The following BIRC3 variants were observed in gnomAD, a reference collection of about 807,000 sequenced individuals.
BIRC3 encodes baculoviral IAP repeat-containing protein 3.
In BIRC3, 26 loss-of-function variants were observed where a neutral mutation model predicts 59.0. That is an observed-to-expected ratio of 0.44 (90% CI 0.32 to 0.61). BIRC3 has a LOEUF of 0.61. Among genes scored for constraint, BIRC3 ranks in the 20% least tolerant of loss-of-function variants. BIRC3 has a pLI of 0.04. For synonymous variants in BIRC3, 243 were observed against 249.2 expected (o/e 0.98, Z 0.24); for missense variants, 641 against 711.5 (o/e 0.90, Z 1.13).
At position 102,323,198 on chromosome 11, in the gene BIRC3, A is replaced by G. The variant is rs766794100; in HGVS notation, c.-1312A>G. ...CAATGTTAGTTCTTTGAGGGGGACA[A>G]AAAATTTAAAATCTTTGAAAGGTCT... On this transcript the variant is annotated 5_prime_UTR_variant, in exon 2 of 9. Coordinates refer to ENST00000263464, the MANE Select transcript of BIRC3 (RefSeq NM_001165.5). The G allele has an allele frequency of 7.1e-4, 142 of 198,892 alleles. No homozygotes were observed. In the Middle Eastern group the frequency reaches 0.011, roughly 15 times the overall value. The allele number at this position is 198,892 out of a possible 1,614,324, so 12.3% of individuals were successfully genotyped here.
intron 5 of BIRC3, among the ~76,000 whole-genome samples, chr11:102,329,949 G>A (rs1033785544): frequency 7.0e-6 from 1 of 143,782 alleles, no homozygotes; most frequent in Non-Finnish European, 1.5e-5. Flanking sequence ...TTTAAAAAAA[G>A]GAAAAAAAGA....
rs1325586149 is a variant in BIRC3 at position 102,333,502 on chromosome 11, G to A, written c.1324+2261G>A. 4.6e-5 allele frequency among the ~76,000 whole-genome samples: 7 copies of A among 151,722 alleles called. No individual in the cohort carries two copies. The East Asian group carries it at 9.7e-4, about 21-fold the overall frequency. ...GACCACTTGAGCCCAGGGAGGTTGAGGCTGCAATGAGCTATGATCATATGC... is the reference window on the plus strand; with the variant it reads ...GACCACTTGAGCCCAGGGAGGTTGAAGCTGCAATGAGCTATGATCATATGC... On this transcript the variant is annotated intron_variant, in intron 6 of 8. Coordinates refer to ENST00000263464, the MANE Select transcript of BIRC3 (RefSeq NM_001165.5).
chr11:102,333,921 C>T (rs1371229991), intron 6 of BIRC3, among the ~76,000 whole-genome samples: 2 of 152,026 alleles, frequency 1.3e-5, no homozygotes, highest in Non-Finnish European at 2.9e-5. Context: ...GACAACGTGG[C>T]GAGACCCCAT....
chr11:102,318,185 G>T (rs1950993059), intron 1 of BIRC3, among the ~76,000 whole-genome samples: 1 of 152,192 alleles, frequency 6.6e-6, no homozygotes, highest in South Asian at 2.1e-4. Context: ...TGTCTCTGAA[G>T]ACTTTACATG....
intron 1 of BIRC3, among the ~76,000 whole-genome samples, chr11:102,317,948 C>A (rs563764177): frequency 6.6e-6 from 1 of 152,282 alleles, no homozygotes; most frequent in South Asian, 2.1e-4. Context: ...GGAAGTAAAA[C>A]GTTTAATGAG....
rs760419071 is a variant in BIRC3 at position 102,336,357 on chromosome 11, T to A, written c.1579+137T>A. On this transcript the variant is annotated intron_variant, in intron 7 of 8. Transcript: ENST00000263464. ...CTGTAATCCTAACACCTTGGGAGGC[T>A]GAGGCAGGTGGATTGCTTGAGCCCA... The A allele has an allele frequency of 3.0e-6, 3 of 1,011,586 alleles. No individual in the cohort carries two copies. In the African/African-American group the frequency reaches 4.9e-5, roughly 17 times the overall value. 62.7% of individuals were successfully genotyped at this position (1,011,586 alleles called of 1,614,324 possible). A position where few individuals can be genotyped will look rare whatever the true frequency, so the allele number is the denominator to read the frequency against.
At chr11:102,328,987 A>T in intron 5 of BIRC3, 42 bp downstream of exon 5, 1 of 1,126,496 alleles carries the variant, frequency 8.9e-7, no homozygotes. Context: ...AAATAGAGTC[A>T]TTTGGTACTG....
rs765259590 is a variant in BIRC3, at chr11:102,324,868, C to A, written c.359C>A (p.Ser120Tyr). Residue 120 changes from serine (S) to tyrosine (Y), a missense_variant, in exon 2 of 9, where the codon TCC (serine) becomes TAC (tyrosine). By Grantham distance (144) the Ser-to-Tyr change is moderately radical. Transcript: ENST00000263464. The part of the protein sequence containing the change: ...QPTFPSSVTN[S>Y]THSLLPGTEN... Reference sequence around the variant, plus strand: ...ACTTTTCCTTCTTCAGTAACAAATTCCACACACTCATTACTTCCGGGTACA... The same window carrying A: ...ACTTTTCCTTCTTCAGTAACAAATTACACACACTCATTACTTCCGGGTACA... 6.2e-7 allele frequency: 1 copy of A among 1,614,076 alleles called. No homozygotes were observed. The highest frequency in any genetic ancestry group is 1.3e-5 in the African/African-American group (1 of 74,926).
At chr11:102,331,262 A>C (rs757862516) in intron 6 of BIRC3, 21 bp downstream of exon 6, 1 of 1,584,572 alleles carries the variant, frequency 6.3e-7, no homozygotes, top group South Asian at 1.2e-5. Flanking sequence ...TTATTAATAC[A>C]GTCTATTTTC....
At chr11:102,329,191 G>T (rs1179751417) in intron 5 of BIRC3, among the ~76,000 whole-genome samples, 3 of 152,264 alleles carry the variant, frequency 2.0e-5, no homozygotes, top group South Asian at 2.1e-4. Context: ...AGTATCTAAA[G>T]GTGGGGCTCA....
In BIRC3 at chr11:102,335,994, A is replaced by T. The variant is rs1338809240; in HGVS notation, c.1353A>T (p.Arg451Ser). 6.2e-7 allele frequency: 1 copy of T among 1,611,204 alleles called. No individual in the cohort carries two copies. The stretch of plus-strand genomic sequence containing the variant: ...ATTTATTATTAATCCGGAAGAATAG[A>T]ATGGCACTTTTTCAACATTTGACTT... Reference protein sequence around the residue: ...SNDLLLIRKNRMALFQHLTCV... With the variant: ...SNDLLLIRKNSMALFQHLTCV... The change falls in exon 7 of 9, where the codon AGA (arginine) becomes AGT (serine). Residue 451 changes from arginine to serine, a missense_variant. Arg to Ser is a moderately radical substitution (Grantham distance 110). Around this residue, in one of 4 missense-constraint regions of BIRC3, gnomAD observed 268 missense variants for 255.7 expected, o/e 1.05. Transcript: ENST00000263464.
rs1275845662 is a variant in BIRC3 at position 102,338,619 on chromosome 11, T to C, written c.*1517T>C. The C allele has an allele frequency of 8.7e-6, 2 of 228,894 alleles. No homozygotes were observed. Among genetic ancestry groups the C allele is most frequent in the Non-Finnish European group, 1.7e-5 (2 of 115,430 alleles). 14.2% of individuals were successfully genotyped at this position (228,894 alleles called of 1,614,324 possible). A position where few individuals can be genotyped will look rare whatever the true frequency, so the allele number is the denominator to read the frequency against. ...AAGGCCTGTCTGTTCAGATTATTCTTGGTCTCTGTGCAGCATTCCTTCCTC... is the reference window on the plus strand; with the variant it reads ...AAGGCCTGTCTGTTCAGATTATTCTCGGTCTCTGTGCAGCATTCCTTCCTC... On this transcript the variant is annotated 3_prime_UTR_variant, in exon 9 of 9. Transcript: ENST00000263464.
At chr11:102,326,891 A>G (rs1381817201) in intron 3 of BIRC3, 5 of 412,042 alleles carry the variant, frequency 1.2e-5, no homozygotes, top group Admixed American at 1.1e-4. Flanking sequence ...GTATTTTTGT[A>G]GAGACAGGGT....
chr11:102,317,988 A>G (rs564939659), intron 1 of BIRC3, among the ~76,000 whole-genome samples: 1 of 152,334 alleles, frequency 6.6e-6, no homozygotes, highest in South Asian at 2.1e-4. Flanking sequence ...AAGCGGTGGT[A>G]GGAAGACAGC....
In BIRC3 at chr11:102,324,823, T is replaced by C. The variant is rs547723750; in HGVS notation, c.314T>C (p.Leu105Ser). ...CAGAGTCTAAATTCCGTTAACAACTTGGAAGCTACCTCTCAGCCTACTTTT... is the reference window on the plus strand; with the variant it reads ...CAGAGTCTAAATTCCGTTAACAACTCGGAAGCTACCTCTCAGCCTACTTTT... The part of the protein sequence containing the change: ...FVQSLNSVNN[L>S]EATSQPTFPS... The change falls in exon 2 of 9, where the codon TTG becomes TCG. Residue 105 changes from leucine to serine, a missense_variant. Physicochemically the swap from Leu to Ser is moderately radical, Grantham distance 145. Around this residue, in one of 4 missense-constraint regions of BIRC3, gnomAD observed 329 missense variants for 365.6 expected, o/e 0.90. Transcript: ENST00000263464. 1.1e-4 allele frequency: 180 copies of C among 1,614,198 alleles called. 1 individual carries two copies. The South Asian group carries it at 1.9e-3, about 17-fold the overall frequency.
In BIRC3 at chr11:102,338,522, C is replaced by A; in HGVS notation, c.*1420C>A. 1 of 229,370 alleles carries A rather than the reference C, an allele frequency of 4.4e-6. No homozygotes were observed. The highest frequency in any genetic ancestry group is 6.2e-5 in the East Asian group (1 of 16,114). 14.2% of individuals were successfully genotyped at this position (229,370 alleles called of 1,614,324 possible). ...ATGCTTAGGTTTGATAATGAATGGACAGCCCTGAAGAATAGTGATTGGAAA... is the reference window on the plus strand; with the variant it reads ...ATGCTTAGGTTTGATAATGAATGGAAAGCCCTGAAGAATAGTGATTGGAAA... On this transcript the variant is annotated 3_prime_UTR_variant, in exon 9 of 9. Transcript: ENST00000263464.
intron 8 of BIRC3, 25 bp from the exon 9 acceptor site, chr11:102,336,884 A>G (rs1951202365): frequency 1.3e-6 from 2 of 1,590,416 alleles, no homozygotes; most frequent in South Asian, 2.3e-5. Context: ...ACTGCCTTTT[A>G]TTAAAAATTC....
At chr11:102,336,532 T>C in intron 7 of BIRC3, 1 of 573,772 alleles carries the variant, frequency 1.7e-6, no homozygotes, top group Non-Finnish European at 3.0e-6. Context: ...AGATAGAGGC[T>C]CCCATGAGCT....
intron 1 of BIRC3, among the ~76,000 whole-genome samples, chr11:102,319,293 G>T: frequency 6.6e-6 from 1 of 152,038 alleles, no homozygotes; most frequent in Non-Finnish European, 1.5e-5. Context: ...TGATCCACTC[G>T]CCTCAGCCTC....
Sources: gnomAD v4.1 joint callset for allele counts (sites outside exome capture counted in the v4.1 genomes callset) on GRCh38, gnomAD v4.1.1 for gene constraint, gnomAD v4.1.1 regional missense constraint, MANE v1.5 for transcripts, NCBI Gene and HGNC (gene_info 2026-07-23, HGNC 2026-07-21) for gene names.